Variants in UBFD1 observed in about 807,000 individuals in gnomAD.
UBFD1 encodes ubiquitin family domain containing 1.
A neutral mutation model predicts 35.1 loss-of-function variants in UBFD1; 12 were observed. The ratio of observed to expected loss-of-function variants is 0.34; its 90% CI spans 0.22 to 0.55. The LOEUF is 0.55. Among genes scored for constraint, UBFD1 ranks in the 20% least tolerant of loss-of-function variants. The pLI is 0.89. For synonymous variants in UBFD1, 178 were observed against 167.6 expected (o/e 1.06, Z -0.48); for missense variants, 337 against 410.8 (o/e 0.82, Z 1.55).
In UBFD1 at chr16:23,561,171, C is replaced by G. The variant is rs1414913735; in HGVS notation, c.565-1035C>G. ...TGACCTAATGAGAGGGATATAGTCC[C>G]TTGCCTTTTTACCAGCTTATTAAGG... is the stretch of plus-strand genomic sequence containing the variant. On this transcript the variant is annotated intron_variant, in intron 3 of 6. Coordinates refer to ENST00000395878, the MANE Select transcript of UBFD1 (RefSeq NM_019116.3). Among the ~76,000 whole-genome samples, 3 of 152,176 alleles carry G rather than the reference C, an allele frequency of 2.0e-5. No homozygotes were observed. In the East Asian group the frequency reaches 5.8e-4, roughly 29 times the overall value.
At chr16:23,568,088 C>G (rs1472448368) in intron 6 of UBFD1, among the ~76,000 whole-genome samples, 1 of 151,072 alleles carries the variant, frequency 6.6e-6, no homozygotes, top group Non-Finnish European at 1.5e-5. Context: ...CTGTGGGGCT[C>G]TTGGGGTTTT....
In UBFD1 at chr16:23,558,297, G is replaced by C. The variant is rs777303664; in HGVS notation, c.355+18G>C. The C allele has an allele frequency of 6.3e-7, 1 of 1,592,406 alleles. No homozygotes were observed. Among genetic ancestry groups the C allele is most frequent in the Non-Finnish European group, 8.5e-7 (1 of 1,170,340 alleles). On this transcript the variant is annotated intron_variant, in intron 2 of 6. Transcript: ENST00000395878. ...GATTACAGGTAATTCCTGTGGCGCTGACAGCCAGTCTTCCCCACCCCGCCT... is the reference window on the plus strand; with the variant it reads ...GATTACAGGTAATTCCTGTGGCGCTCACAGCCAGTCTTCCCCACCCCGCCT...
At chr16:23,562,814 C>A in intron 5 of UBFD1, 84 bp downstream of exon 5, 1 of 1,192,624 alleles carries the variant, frequency 8.4e-7, no homozygotes, top group African/African-American at 1.5e-5. Flanking sequence ...CGATTTCACC[C>A]CTCCTTCTGA....
rs5816218 is a variant in UBFD1 at position 23,558,783 on chromosome 16, ATT to A, written c.355+518_355+519del. Among the ~76,000 whole-genome samples the A allele has an allele frequency of 2.5e-3, 339 of 136,944 alleles. 2 individuals are homozygous for A. The highest frequency in any genetic ancestry group is 7.7e-3 in the African/African-American group (286 of 37,014). The allele number at this position is 136,944 out of a possible 152,430, so 89.8% of individuals were successfully genotyped here. On this transcript the variant is annotated intron_variant, in intron 2 of 6. Coordinates refer to ENST00000395878, the MANE Select transcript of UBFD1 (RefSeq NM_019116.3). ...ATCTGAGATTTCTTTTCTTTTTCCT[ATT>A]TTTTTTTTTTTTTGAGACGGAGTCT...
In UBFD1 at chr16:23,571,554, T is replaced by C. The variant is rs940902518; in HGVS notation, c.*964T>C. 2.6e-5 allele frequency: 4 copies of C among 152,508 alleles called. No homozygotes were observed. Among genetic ancestry groups the C allele is most frequent in the African/African-American group, 7.2e-5 (3 of 41,466 alleles). 9.4% of individuals were successfully genotyped at this position (152,508 alleles called of 1,614,324 possible). A position where few individuals can be genotyped will look rare whatever the true frequency, so the allele number is the denominator to read the frequency against. ...GGAGGAGCCAGGTAGAAGATAGTTATACAGCCATATAGCTGCAGATCCAGA... is the reference window on the plus strand; with the variant it reads ...GGAGGAGCCAGGTAGAAGATAGTTACACAGCCATATAGCTGCAGATCCAGA... On this transcript the variant is annotated 3_prime_UTR_variant, in exon 7 of 7. Coordinates refer to ENST00000395878, the MANE Select transcript of UBFD1 (RefSeq NM_019116.3).
Position 23,562,557 on chromosome 16 carries a change from C to T in UBFD1, c.631-68C>T, listed in dbSNP as rs763713889. On this transcript the variant is annotated intron_variant, in intron 4 of 6. Coordinates refer to ENST00000395878, the MANE Select transcript of UBFD1 (RefSeq NM_019116.3). ...TGCTGGGATTACAGGCGTGAGCCACCGCGCTTGGCCCCCTTCTCTTTTTTT... is the reference window on the plus strand; with the variant it reads ...TGCTGGGATTACAGGCGTGAGCCACTGCGCTTGGCCCCCTTCTCTTTTTTT... 6.2e-5 allele frequency: 91 copies of T among 1,463,542 alleles called. 2 individuals carry two copies. The highest frequency in any genetic ancestry group is 2.3e-4 in the Admixed American group (12 of 52,044). The allele number at this position is 1,463,542 out of a possible 1,614,324, so 90.7% of individuals were successfully genotyped here. A position where few individuals can be genotyped will look rare whatever the true frequency, so the allele number is the denominator to read the frequency against.
chr16:23,560,829 A>G (rs1024774244), intron 3 of UBFD1, among the ~76,000 whole-genome samples: 1 of 152,128 alleles, frequency 6.6e-6, no homozygotes, highest in Admixed American at 6.6e-5. Context: ...TGATTTGGAG[A>G]CTTCACCCCC....
intron 3 of UBFD1, among the ~76,000 whole-genome samples, chr16:23,560,845 T>C (rs936308957): frequency 4.6e-5 from 7 of 152,214 alleles, no homozygotes; most frequent in Admixed American, 1.3e-4. Context: ...CCCCCACATA[T>C]GGGGTCTCAG....
At chr16:23,567,321 T>G (rs755830371) in intron 6 of UBFD1, among the ~76,000 whole-genome samples, 31 of 152,264 alleles carry the variant, frequency 2.0e-4, no homozygotes, top group Non-Finnish European at 4.1e-4. Flanking sequence ...TTACCTCTTT[T>G]AGAAAAGTCT....
chr16:23,567,897 C>T (rs1287206835), intron 6 of UBFD1, among the ~76,000 whole-genome samples: 1 of 152,252 alleles, frequency 6.6e-6, no homozygotes. Flanking sequence ...AAAGAAGGAA[C>T]TAGTGGTTTG....
chr16:23,559,423 C>T (rs768159749), intron 2 of UBFD1, 45 bp from the exon 3 acceptor site: 3 of 1,554,410 alleles, frequency 1.9e-6, no homozygotes, highest in Admixed American at 3.6e-5. Context: ...ATACATTTTT[C>T]TGTCCTTCCT....
intron 5 of UBFD1, chr16:23,564,862 A>G (rs143603876): frequency 1.3e-5 from 2 of 152,342 alleles, no homozygotes; most frequent in African/African-American, 4.8e-5. Flanking sequence ...TTTTGCTAGT[A>G]GGAGCAGCCG....
chr16:23,567,320 T>C (rs1966025254), intron 6 of UBFD1, among the ~76,000 whole-genome samples: 1 of 152,254 alleles, frequency 6.6e-6, no homozygotes, highest in Non-Finnish European at 1.5e-5. Context: ...CTTACCTCTT[T>C]TAGAAAAGTC....
At chr16:23,563,040 C>T (rs1287767305) in intron 5 of UBFD1, among the ~76,000 whole-genome samples, 1 of 151,872 alleles carries the variant, frequency 6.6e-6, no homozygotes, top group Admixed American at 6.6e-5. Context: ...TGTGGGATGA[C>T]ACACAATCTG....
At chr16:23,567,132 A>G in intron 6 of UBFD1, 63 bp downstream of exon 6, 7 of 1,484,730 alleles carry the variant, frequency 4.7e-6, no homozygotes, top group African/African-American at 1.4e-5. Context: ...GGCAGGGAAC[A>G]GTTTTAACTG....
intron 5 of UBFD1, chr16:23,565,137 G>T (rs1965992369): frequency 6.6e-6 from 1 of 152,224 alleles, no homozygotes; most frequent in African/African-American, 2.4e-5. Flanking sequence ...AGCTTGTTCT[G>T]GGAGTTGGCT....
At chr16:23,558,636 T>G (rs1391851274) in intron 2 of UBFD1, among the ~76,000 whole-genome samples, 1 of 152,218 alleles carries the variant, frequency 6.6e-6, no homozygotes, top group Non-Finnish European at 1.5e-5. Flanking sequence ...GGAATTTATT[T>G]TTAGCAAATA....
rs745502590 is a variant in UBFD1 at position 23,562,300 on chromosome 16, G to A, written c.630+29G>A. ...AGGCGGATTTCTTTGTGAGCATTCT[G>A]AAAATGAGGCAGCCCCACCGTCTGA... is the stretch of plus-strand genomic sequence containing the variant. On this transcript the variant is annotated intron_variant, in intron 4 of 6. Transcript: ENST00000395878. 4.4e-6 allele frequency: 7 copies of A among 1,606,494 alleles called. No homozygotes were observed. In the Admixed American group the frequency reaches 1.2e-4, roughly 27 times the overall value.
At position 23,559,604 on chromosome 16, in the gene UBFD1, C is replaced by T; in HGVS notation, c.492C>T (p.Asn164=). 6.2e-7 allele frequency: 1 copy of T among 1,614,228 alleles called. No homozygotes were observed. The highest frequency in any genetic ancestry group is 8.5e-7 in the Non-Finnish European group (1 of 1,180,040). Residue 164 remains asparagine (N), a synonymous_variant, in exon 3 of 7, where the codon AAC becomes AAT. Coordinates refer to ENST00000395878, the MANE Select transcript of UBFD1 (RefSeq NM_019116.3). The stretch of plus-strand genomic sequence containing the variant: ...CCATCAATGATGTTTTAGCAGTAAA[C>T]ACACCCAAAGATGCTGCGCAGCAGG... ...GSTINDVLAV[N]TPKDAAQQDA... is the part of the protein sequence containing the mutation.
Sources: gnomAD v4.1 joint callset for allele counts (sites outside exome capture counted in the v4.1 genomes callset) on GRCh38, gnomAD v4.1.1 for gene constraint, MANE v1.5 for transcripts, NCBI Gene and HGNC (gene_info 2026-07-23, HGNC 2026-07-21) for gene names.